Variants in COX11 observed in about 807,000 individuals in gnomAD.
The protein encoded by COX11 is cytochrome c oxidase copper chaperone COX11, also known as cytochrome c oxidase assembly protein COX11, mitochondrial.
In COX11, 18 loss-of-function variants were observed where a neutral mutation model predicts 29.4. The ratio of observed to expected loss-of-function variants is 0.61; its 90% CI spans 0.42 to 0.91. COX11 has a LOEUF of 0.91. Ranked by LOEUF, COX11 falls within the 40% of genes least tolerant of loss-of-function variation. The pLI, the probability that COX11 is intolerant of heterozygous loss-of-function variation, is 0.00. For missense variants in COX11, 312 were observed against 346.0 expected (o/e 0.90, Z 0.78); for synonymous variants, 131 against 124.0 (o/e 1.06, Z -0.38).
downstream of COX11, chr17:54,957,484 T>C (rs1043225137): frequency 3.3e-5 from 5 of 152,154 alleles, no homozygotes; most frequent in Admixed American, 2.6e-4. Context: ...AATTAGGAGA[T>C]TGCTGTATGT....
At chr17:54,958,239 GC>G (rs1174177534), downstream of COX11, 4 of 152,236 alleles carry the variant, frequency 2.6e-5, no homozygotes, top group Admixed American at 2.0e-4. Flanking sequence ...GAAGAACAGT[GC>G]CAGGGGCAGA....
chr17:54,961,100 G>A lies in COX11; in HGVS notation c.*1633C>T, dbSNP rs930689206. 4 of 693,698 alleles carry A rather than the reference G, an allele frequency of 5.8e-6. No homozygotes were observed. Among genetic ancestry groups the A allele is most frequent in the Middle Eastern group, 2.4e-4 (1 of 4,192 alleles). 43.0% of individuals were successfully genotyped at this position (693,698 alleles called of 1,614,324 possible). A position where few individuals can be genotyped will look rare whatever the true frequency, so the allele number is the denominator to read the frequency against. ...TTATTCCCCTTATACCCTCCCCTAT[G>A]GAAGAAGCACATTCTTACCTTTCTT... On this transcript the variant is annotated 3_prime_UTR_variant, in exon 4 of 4. Transcript: ENST00000299335.
downstream of COX11, among the ~76,000 whole-genome samples, chr17:54,958,880 G>T (rs2077032140): frequency 6.6e-6 from 1 of 152,166 alleles, no homozygotes; most frequent in Non-Finnish European, 1.5e-5. Context: ...ATAGGATCTG[G>T]CATAGAAGGA....
intron 3 of COX11, 58 bp from the exon 4 acceptor site, chr17:54,962,973 CTA>C: frequency 7.1e-7 from 1 of 1,417,470 alleles, no homozygotes. Flanking sequence ...ATAACAGAAA[CTA>C]TACAGTTCTT....
downstream of COX11, chr17:54,956,715 G>T (rs1309516495): frequency 6.6e-6 from 1 of 152,104 alleles, no homozygotes; most frequent in Non-Finnish European, 1.5e-5. Flanking sequence ...AAAGTGCTGG[G>T]ATTATAGGCA....
chr17:54,955,205 G>A (rs2049435241), upstream of COX11: 1 of 152,212 alleles, frequency 6.6e-6, no homozygotes, highest in South Asian at 2.1e-4. Flanking sequence ...GTCCTGGGAA[G>A]CTGAGAGGAT....
exon 1 of COX11, chr17:54,952,133 G>A (rs961400319): frequency 1.5e-4 from 23 of 152,140 alleles, no homozygotes; most frequent in African/African-American, 4.1e-4. Flanking sequence ...CAAATTTTAC[G>A]AAGAGGTTAA....
upstream of COX11, among the ~76,000 whole-genome samples, chr17:54,955,359 G>A (rs1317103629): frequency 3.3e-5 from 5 of 152,306 alleles, no homozygotes; most frequent in African/African-American, 1.2e-4. Flanking sequence ...TTTCCTCAGA[G>A]AAAGCACACA....
At chr17:54,967,964 G>A (rs17817950) in intron 1 of COX11, among the ~76,000 whole-genome samples, 42,781 of 148,210 alleles carry the variant, frequency 0.29, 6,519 homozygotes, top group African/African-American at 0.34. Flanking sequence ...GGGTAAGGCA[G>A]ACTGCTAGAT....
chr17:54,965,371 C>G (rs1369575642), intron 1 of COX11, among the ~76,000 whole-genome samples: 1 of 152,152 alleles, frequency 6.6e-6, no homozygotes, highest in African/African-American at 2.4e-5. Context: ...TCTAAGGTAT[C>G]ACAGGTATTT....
exon 1 of COX11, chr17:54,953,780 G>C (rs2144009177): frequency 6.6e-6 from 1 of 152,276 alleles, no homozygotes; most frequent in Non-Finnish European, 1.5e-5. Flanking sequence ...ATGTCTACCA[G>C]TTGGAAAGGG....
At position 54,968,603 on chromosome 17, in the gene COX11, C is replaced by G; in HGVS notation, c.44G>C (p.Cys15Ser). The G allele has an allele frequency of 3.1e-6, 5 of 1,613,030 alleles. No homozygotes were observed. Among genetic ancestry groups the G allele is most frequent in the Non-Finnish European group, 3.4e-6 (4 of 1,180,014 alleles). ...WRPGWRCVPF[C>S]GWRWIHPGSP... ...CCCAGGGTGGATCCAGCGCCAGCCACAGAAAGGAACGCACCTCCATCCAGG... is the reference window on the plus strand; with the variant it reads ...CCCAGGGTGGATCCAGCGCCAGCCAGAGAAAGGAACGCACCTCCATCCAGG... The change falls in exon 1 of 4, where the codon TGT becomes TCT. Residue 15 changes from cysteine to serine, a missense_variant. Around this residue, in one of 2 missense-constraint regions of COX11, gnomAD observed 130 missense variants for 106.0 expected, o/e 1.23. Transcript: ENST00000299335.
At chr17:54,955,616 C>G (rs574458031), downstream of COX11, among the ~76,000 whole-genome samples, 1 of 152,096 alleles carries the variant, frequency 6.6e-6, no homozygotes, top group South Asian at 2.1e-4. Context: ...ACGTAGGGAA[C>G]AAAGCCTGAA....
At position 54,961,562 on chromosome 17, in the gene COX11, A is replaced by T; in HGVS notation, c.*1171T>A. The T allele has an allele frequency of 7.4e-7, 1 of 1,344,572 alleles. No homozygotes were observed. The highest frequency in any genetic ancestry group is 9.5e-7 in the Non-Finnish European group (1 of 1,048,896). 83.3% of individuals were successfully genotyped at this position (1,344,572 alleles called of 1,614,324 possible). The stretch of plus-strand genomic sequence containing the variant: ...TTCCTACATTTAGAAATCGTCACAC[A>T]GCTGTGATAAGAGTAGATTATTTTA... On this transcript the variant is annotated 3_prime_UTR_variant, in exon 4 of 4. Coordinates refer to ENST00000299335, the MANE Select transcript of COX11 (RefSeq NM_004375.5).
downstream of COX11, among the ~76,000 whole-genome samples, chr17:54,960,117 CT>C (rs1219649504): frequency 6.6e-6 from 1 of 152,064 alleles, no homozygotes; most frequent in African/African-American, 2.4e-5. Flanking sequence ...AATCCCAGCA[CT>C]TTGGGAGGCC....
At chr17:54,958,690 A>G (rs2077019212), downstream of COX11, among the ~76,000 whole-genome samples, 1 of 139,160 alleles carries the variant, frequency 7.2e-6, no homozygotes, top group South Asian at 2.4e-4. Flanking sequence ...AGATCCCACT[A>G]TTGCACTCTA....
At position 54,968,341 on chromosome 17, in the gene COX11, G is replaced by A; in HGVS notation, c.306C>T (p.Val102=). The A allele has an allele frequency of 1.2e-6, 2 of 1,612,880 alleles. No individual in the cohort carries two copies. Among genetic ancestry groups the A allele is most frequent in the Non-Finnish European group, 1.7e-6 (2 of 1,179,922 alleles). Reference sequence around the variant, plus strand: ...AGGACGCCCCCAGCATGCCCACGGCGACAGCGGCCACGTAAGTGAGGGTCG... The same window carrying A: ...AGGACGCCCCCAGCATGCCCACGGCAACAGCGGCCACGTAAGTGAGGGTCG... ...NKTTLTYVAA[V]AVGMLGASYA... is the part of the protein sequence containing the mutation. The change falls in exon 1 of 4, where the codon GTC becomes GTT. Residue 102 remains valine (V), a synonymous_variant. Transcript: ENST00000299335.
chr17:54,961,433 A>C lies in COX11; in HGVS notation c.*1300T>G, dbSNP rs1476029929. Reference sequence around the variant, plus strand: ...TTCCTGACAACAGCGTGAGATTTCAACAGAACTTGTTTGGAACAAATACTC... The same window carrying C: ...TTCCTGACAACAGCGTGAGATTTCACCAGAACTTGTTTGGAACAAATACTC... On this transcript the variant is annotated 3_prime_UTR_variant, in exon 4 of 4. Coordinates refer to ENST00000299335, the MANE Select transcript of COX11 (RefSeq NM_004375.5). The C allele has an allele frequency of 6.6e-7, 1 of 1,511,086 alleles. No homozygotes were observed. Among genetic ancestry groups the C allele is most frequent in the Non-Finnish European group, 8.8e-7 (1 of 1,130,274 alleles). 93.6% of individuals were successfully genotyped at this position (1,511,086 alleles called of 1,614,324 possible).
At chr17:54,964,453 G>A (rs970831722) in intron 2 of COX11, 4 of 448,028 alleles carry the variant, frequency 8.9e-6, no homozygotes, top group African/African-American at 4.1e-5. Context: ...ATACTGACGG[G>A]TTCCATTACT....
Sources: gnomAD v4.1 joint callset for allele counts (sites outside exome capture counted in the v4.1 genomes callset) on GRCh38, gnomAD v4.1.1 for gene constraint, gnomAD v4.1.1 regional missense constraint, MANE v1.5 for transcripts, NCBI Gene and HGNC (gene_info 2026-07-23, HGNC 2026-07-21) for gene names.